Variants in FBXW11 observed in about 807,000 individuals in gnomAD.
FBXW11 encodes the protein F-box/WD repeat-containing protein 11.
FBXW11 carries 19 observed loss-of-function variants against 77.6 expected under a neutral mutation model. The observed-to-expected ratio is 0.24, with a 90% confidence interval of 0.17 to 0.36. The LOEUF is 0.36. Among genes scored for constraint, FBXW11 ranks in the 10% least tolerant of loss-of-function variants. FBXW11 has a pLI of 1.00. For missense variants in FBXW11, 334 were observed against 704.2 expected (o/e 0.47, Z 5.95); for synonymous variants, 235 against 249.4 (o/e 0.94, Z 0.54).
intron 1 of FBXW11, among the ~76,000 whole-genome samples, chr5:171,977,183 T>C (rs1764876897): frequency 6.7e-6 from 1 of 150,278 alleles, no homozygotes; most frequent in African/African-American, 2.5e-5. Context: ...TCACAGAAAA[T>C]TTAAAAATTA....
At chr5:171,998,317 C>T (rs1766184036) in intron 1 of FBXW11, among the ~76,000 whole-genome samples, 1 of 136,014 alleles carries the variant, frequency 7.4e-6, no homozygotes, top group Non-Finnish European at 1.5e-5. Context: ...TTCTACAGCC[C>T]ATGATATTTT....
At chr5:171,999,910 C>T (rs1394309020) in intron 1 of FBXW11, among the ~76,000 whole-genome samples, 1 of 152,086 alleles carries the variant, frequency 6.6e-6, no homozygotes, top group Admixed American at 6.5e-5. Context: ...GTTAACTCAA[C>T]CTGAGAGGGA....
intron 7 of FBXW11, among the ~76,000 whole-genome samples, chr5:171,886,492 C>G (rs948232941): frequency 1.3e-5 from 2 of 151,890 alleles, no homozygotes; most frequent in Admixed American, 1.3e-4. Context: ...TTAATGGGTG[C>G]AGCACACCAA....
intron 6 of FBXW11, among the ~76,000 whole-genome samples, chr5:171,898,467 C>T (rs1378978268): frequency 6.6e-6 from 1 of 152,220 alleles, no homozygotes; most frequent in East Asian, 1.9e-4. Context: ...CAATGTTTCT[C>T]ATCAAGTTTA....
chr5:171,889,342 A>G (rs1759143966), intron 7 of FBXW11, among the ~76,000 whole-genome samples: 1 of 152,106 alleles, frequency 6.6e-6, no homozygotes, highest in Non-Finnish European at 1.5e-5. Flanking sequence ...AGCCGGGTCA[A>G]CATGGTGAAA....
At position 171,953,130 on chromosome 5, in the gene FBXW11, C is replaced by T. The variant is rs182317778; in HGVS notation, c.147+4467G>A. ...GACTACAGGCACATGCCACCATGTC[C>T]ACCTAATTTTTTATTTTGTTTTGTA... On this transcript the variant is annotated intron_variant, in intron 2 of 13. Coordinates refer to ENST00000517395, the MANE Select transcript of FBXW11 (RefSeq NM_001378974.1). 4.1e-3 allele frequency among the ~76,000 whole-genome samples: 631 copies of T among 152,218 alleles called. 2 individuals carry two copies. Among genetic ancestry groups the T allele is most frequent in the Non-Finnish European group, 7.5e-3 (509 of 68,004 alleles).
Position 171,904,569 on chromosome 5 carries a change from T to TTTG in FBXW11, c.437-4472_437-4470dup, listed in dbSNP as rs1050340127. Among the ~76,000 whole-genome samples the TTTG allele has an allele frequency of 5.3e-5, 8 of 152,110 alleles. No homozygotes were observed. Among genetic ancestry groups the TTTG allele is most frequent in the South Asian group, 4.2e-4 (2 of 4,802 alleles). On this transcript the variant is annotated intron_variant, in intron 4 of 13. Transcript: ENST00000517395. This position sits in a 1 kb window ranked among gnomAD's most constrained non-coding sequence, Gnocchi z 4.0. Reference sequence around the variant, plus strand: ...GGCCCAGGAATCTGGGTGTGGTTTTTTTGTTGTTGTTGTTGTTTTTGGAAA... The same window carrying TTTG: ...GGCCCAGGAATCTGGGTGTGGTTTTTTTGTTGTTGTTGTTGTTGTTTTTGGAAA...
chr5:172,000,182 TC>T (rs1766328980), intron 1 of FBXW11, among the ~76,000 whole-genome samples: 4 of 152,170 alleles, frequency 2.6e-5, no homozygotes, highest in Admixed American at 2.6e-4. Flanking sequence ...CAGAAGAAAA[TC>T]TTGTATGAAT....
chr5:171,885,957 T>C (rs1049963667), intron 7 of FBXW11, among the ~76,000 whole-genome samples: 5 of 152,220 alleles, frequency 3.3e-5, no homozygotes, highest in Admixed American at 3.3e-4. Context: ...CTGGTCTAGA[T>C]AATCTCTTCA....
intron 1 of FBXW11, among the ~76,000 whole-genome samples, chr5:171,986,676 G>A (rs947928431): frequency 4.0e-5 from 6 of 150,702 alleles, no homozygotes; most frequent in Admixed American, 1.3e-4. Context: ...GCAGTGAGCC[G>A]AGATGGCGCC....
In FBXW11 at chr5:171,968,798, G is replaced by A. The variant is rs193278418; in HGVS notation, c.46-11100C>T. On this transcript the variant is annotated intron_variant, in intron 1 of 13. Transcript: ENST00000517395. ...AACATCTAAGACACTAGTGCTGGCT[G>A]CATCGCTTCCTGCTCCTTCTACCCA... is the stretch of plus-strand genomic sequence containing the variant. 2.8e-3 allele frequency among the ~76,000 whole-genome samples: 428 copies of A among 152,166 alleles called. 1 individual carries two copies. The highest frequency in any genetic ancestry group is 9.8e-3 in the African/African-American group (406 of 41,508).
chr5:171,864,446 G>A (rs1757260454), intron 13 of FBXW11, among the ~76,000 whole-genome samples: 1 of 152,104 alleles, frequency 6.6e-6, no homozygotes. Flanking sequence ...GTACTGCTCT[G>A]AAAAAGTACA....
Position 171,992,698 on chromosome 5 carries a change from G to A in FBXW11, c.45+13760C>T, listed in dbSNP as rs1246033808. 2.0e-5 allele frequency among the ~76,000 whole-genome samples: 3 copies of A among 151,962 alleles called. No individual in the cohort carries two copies. In the East Asian group the frequency reaches 5.8e-4, roughly 29 times the overall value. ...TTCAGTCTATACTCTGAGTAATCAT[G>A]TAACTGTACTAAAGTCTAGTCAGCT... On this transcript the variant is annotated intron_variant, in intron 1 of 13. Coordinates refer to ENST00000517395, the MANE Select transcript of FBXW11 (RefSeq NM_001378974.1).
chr5:172,005,388 G>C (rs1051393842), intron 1 of FBXW11, among the ~76,000 whole-genome samples: 11 of 152,328 alleles, frequency 7.2e-5, no homozygotes, highest in African/African-American at 2.6e-4. Flanking sequence ...CAGCTCTCCA[G>C]AGCCCAATTT....
intron 7 of FBXW11, among the ~76,000 whole-genome samples, chr5:171,880,556 C>G (rs1262757930): frequency 2.0e-5 from 3 of 152,306 alleles, no homozygotes; most frequent in East Asian, 3.9e-4. Context: ...TCTTCCTACC[C>G]ATGAGCATGA....
intron 1 of FBXW11, among the ~76,000 whole-genome samples, chr5:172,002,584 AC>A (rs1260326393): frequency 6.6e-6 from 1 of 150,888 alleles, no homozygotes; most frequent in East Asian, 1.9e-4. Context: ...TCACTAAACA[AC>A]CCCACTCACC....
rs904272266 is a variant in FBXW11 at position 171,870,916 on chromosome 5, G to C, written c.1341-58C>G. 7.9e-6 allele frequency: 10 copies of C among 1,269,350 alleles called. No individual in the cohort carries two copies. In the Admixed American group the frequency reaches 8.7e-5, roughly 11 times the overall value. 78.6% of individuals were successfully genotyped at this position (1,269,350 alleles called of 1,614,324 possible). ...TTCCCACACACGATTCACACTATCC[G>C]TAAGTTTTTTATATCTGTTCCATAC... On this transcript the variant is annotated intron_variant, in intron 10 of 13. Coordinates refer to ENST00000517395, the MANE Select transcript of FBXW11 (RefSeq NM_001378974.1).
chr5:171,884,300 T>C (rs1758729755), intron 7 of FBXW11, among the ~76,000 whole-genome samples: 1 of 152,246 alleles, frequency 6.6e-6, no homozygotes, highest in Admixed American at 6.5e-5. Context: ...AAGGGTGTCC[T>C]TTCCCCACTT....
intron 1 of FBXW11, among the ~76,000 whole-genome samples, chr5:171,959,336 A>G (rs1017107297): frequency 2.6e-5 from 4 of 152,128 alleles, no homozygotes; most frequent in Non-Finnish European, 4.4e-5. Flanking sequence ...ATGAAATAAA[A>G]TAATGAAAGT....
Sources: gnomAD v4.1 joint callset for allele counts (sites outside exome capture counted in the v4.1 genomes callset) on GRCh38, gnomAD v4.1.1 for gene constraint, Gnocchi (gnomAD v3.1) non-coding constraint, MANE v1.5 for transcripts, NCBI Gene and HGNC (gene_info 2026-07-23, HGNC 2026-07-21) for gene names.